Variants in FBXO41 observed in about 807,000 individuals in gnomAD.
FBXO41 encodes the protein F-box protein 41.
FBXO41 carries 33 observed loss-of-function variants against 81.6 expected under a neutral mutation model. That is an observed-to-expected ratio of 0.40 (90% CI 0.31 to 0.54). FBXO41 has a LOEUF of 0.54. Ranked by LOEUF, FBXO41 falls within the 20% of genes least tolerant of loss-of-function variation. FBXO41 has a pLI of 0.39. For synonymous variants in FBXO41, 576 were observed against 552.7 expected, an observed-to-expected ratio of 1.04 and a Z score of -0.59; for missense variants, 1,107 against 1,236.0, an observed-to-expected ratio of 0.90 and a Z score of 1.56.
chr2:73,280,047 CT>C (rs1234981971), intron 1 of FBXO41, among the ~76,000 whole-genome samples: 3 of 152,064 alleles, frequency 2.0e-5, no homozygotes, highest in African/African-American at 7.3e-5. Flanking sequence ...TTCAAACATT[CT>C]TTCTCATGGC....
Position 73,269,360 on chromosome 2 carries a change from C to G in FBXO41, c.271G>C (p.Gly91Arg). ...GACGGCCCGGCCGCCTGCTCCTTGC[C>G]CTGGAAGGAAGTGCTCTCGAAGACC... Reference protein sequence around the residue: ...REVFESTSFQGKEQAAGPSPA... With the variant: ...REVFESTSFQRKEQAAGPSPA... Residue 91 changes from glycine (G) to arginine (R), a missense_variant, in exon 2 of 13, where the codon GGC becomes CGC. This residue lies in a region of FBXO41 where 771 missense variants were observed against 789.2 expected (regional missense o/e 0.98). Transcript: ENST00000520530. This position sits in a 1 kb window ranked among gnomAD's most constrained non-coding sequence, Gnocchi z 7.0. 2.0e-6 allele frequency: 3 copies of G among 1,510,976 alleles called. No homozygotes were observed. The highest frequency in any genetic ancestry group is 1.2e-5 in the South Asian group (1 of 81,552). 93.6% of individuals were successfully genotyped at this position (1,510,976 alleles called of 1,614,324 possible).
At chr2:73,265,854 A>AGGGTGGGCTGCATG (rs1688246186) in intron 4 of FBXO41, 39 bp downstream of exon 4, 2 of 1,553,206 alleles carry the variant, frequency 1.3e-6, no homozygotes, top group African/African-American at 1.4e-5. Context: ...TTCCAGGGTG[A>AGGGTGGGCTGCATG]GGGTGGGCTG....
At chr2:73,261,208 T>G (rs1428024592) in intron 9 of FBXO41, among the ~76,000 whole-genome samples, 1 of 151,992 alleles carries the variant, frequency 6.6e-6, no homozygotes, top group Non-Finnish European at 1.5e-5. Context: ...AGGCATGCAC[T>G]ACCATGCCCG....
chr2:73,269,112 A>C lies in FBXO41; in HGVS notation c.519T>G (p.Pro173=), dbSNP rs1241457588. The stretch of plus-strand genomic sequence containing the variant: ...CGGGGCAAGGGCCGGGGCCGGGGCC[A>C]GGCGGCGGCGTCGAGCACGCCGAGG... The part of the protein sequence containing the change: ...VASSACSTPP[P]GPGPGPCPGP... Residue 173 remains proline (P), a synonymous_variant, in exon 2 of 13, where the codon CCT becomes CCG. Coordinates refer to ENST00000520530, the MANE Select transcript of FBXO41 (RefSeq NM_001371389.2). This position sits in a 1 kb window ranked among gnomAD's most constrained non-coding sequence, Gnocchi z 7.0. The C allele has an allele frequency of 1.3e-6, 2 of 1,509,072 alleles. No individual in the cohort carries two copies. The highest frequency in any genetic ancestry group is 1.8e-6 in the Non-Finnish European group (2 of 1,136,722). 93.5% of individuals were successfully genotyped at this position (1,509,072 alleles called of 1,614,324 possible).
At chr2:73,278,003 T>C (rs1688744642) in intron 1 of FBXO41, among the ~76,000 whole-genome samples, 2 of 152,228 alleles carry the variant, frequency 1.3e-5, no homozygotes, top group Non-Finnish European at 2.9e-5. Flanking sequence ...ATCACAGTAT[T>C]TCTATCTTCT....
chr2:73,267,809 A>C (rs1181787518), intron 2 of FBXO41, among the ~76,000 whole-genome samples: 1 of 152,226 alleles, frequency 6.6e-6, no homozygotes, highest in African/African-American at 2.4e-5. Flanking sequence ...CACTCAACAC[A>C]AAGTCTATTT....
chr2:73,264,329 G>T lies in FBXO41; in HGVS notation c.1755C>A (p.His585Gln). ...GCAGCACCCTTGTCCAGACTGCGGG[G>T]TGGCGGGCCACGAAGCGCCAGTCCC... ...VCRDWRFVAR[H>Q]PAVWTRVLLE... Residue 585 changes from histidine to glutamine, a missense_variant, in exon 6 of 13, where the codon CAC (histidine) becomes CAA (glutamine). Transcript: ENST00000520530. The T allele has an allele frequency of 6.2e-7, 1 of 1,613,650 alleles. No individual in the cohort carries two copies. Among genetic ancestry groups the T allele is most frequent in the Non-Finnish European group, 8.5e-7 (1 of 1,179,884 alleles).
intron 9 of FBXO41, among the ~76,000 whole-genome samples, chr2:73,262,292 G>A (rs1354679505): frequency 2.6e-5 from 4 of 152,172 alleles, no homozygotes; most frequent in Non-Finnish European, 5.9e-5. Context: ...GCAACATGCA[G>A]TGGGGATTGA....
rs1687960741 is a variant in FBXO41, at chr2:73,260,326, C to A, written c.2449+63G>T. 1.3e-6 allele frequency: 2 copies of A among 1,555,564 alleles called. No homozygotes were observed. Among genetic ancestry groups the A allele is most frequent in the Admixed American group, 1.8e-5 (1 of 54,236 alleles). ...TCTGCCCCAGTGATAGTTAGGATAC[C>A]TGCTGACAGGGCCCCGTGGCAGGTG... On this transcript the variant is annotated intron_variant, in intron 11 of 12. Coordinates refer to ENST00000520530, the MANE Select transcript of FBXO41 (RefSeq NM_001371389.2). This position sits in a 1 kb window ranked among gnomAD's most constrained non-coding sequence, Gnocchi z 5.0.
chr2:73,265,764 G>C lies in FBXO41; in HGVS notation c.1206-124C>G, dbSNP rs1574382496. 2.1e-6 allele frequency: 3 copies of C among 1,427,250 alleles called. No individual in the cohort carries two copies. The East Asian group carries it at 7.6e-5, about 36-fold the overall frequency. 88.4% of individuals were successfully genotyped at this position (1,427,250 alleles called of 1,614,324 possible). On this transcript the variant is annotated intron_variant, in intron 4 of 12. Coordinates refer to ENST00000520530, the MANE Select transcript of FBXO41 (RefSeq NM_001371389.2). The stretch of plus-strand genomic sequence containing the variant: ...CCTGCTTTCCAAAAGCCCCCTCTGG[G>C]TGTGGAAAGGCAGACATACGTGACC...
At chr2:73,283,624 G>A (rs1574395713) in intron 1 of FBXO41, among the ~76,000 whole-genome samples, 1 of 152,226 alleles carries the variant, frequency 6.6e-6, no homozygotes, top group Non-Finnish European at 1.5e-5. Flanking sequence ...CACATTCAGA[G>A]ACACTGTGAG....
At chr2:73,273,883 T>C (rs1218088022) in intron 1 of FBXO41, among the ~76,000 whole-genome samples, 1 of 152,222 alleles carries the variant, frequency 6.6e-6, no homozygotes, top group Non-Finnish European at 1.5e-5. Context: ...CCTCACCTAC[T>C]ACCCAGCACC....
intron 1 of FBXO41, among the ~76,000 whole-genome samples, chr2:73,270,192 C>T (rs1027969787): frequency 6.6e-6 from 1 of 152,026 alleles, no homozygotes; most frequent in Non-Finnish European, 1.5e-5. Context: ...CTGTAGAATT[C>T]CAGAGAGATG....
In FBXO41 at chr2:73,259,400, C is replaced by G; in HGVS notation, c.2450-104G>C. 1.0e-6 allele frequency: 1 copy of G among 975,692 alleles called. No homozygotes were observed. Among genetic ancestry groups the G allele is most frequent in the Non-Finnish European group, 1.6e-6 (1 of 628,158 alleles). The allele number at this position is 975,692 out of a possible 1,614,324, so 60.4% of individuals were successfully genotyped here. On this transcript the variant is annotated intron_variant, in intron 11 of 12. Coordinates refer to ENST00000520530, the MANE Select transcript of FBXO41 (RefSeq NM_001371389.2). This position sits in a 1 kb window ranked among gnomAD's most constrained non-coding sequence, Gnocchi z 4.2. ...AATCAGACAATCAGGTGCCAGCTAC[C>G]GGGAACACGACAGAGGAGAGCAGAC...
chr2:73,266,641 G>T lies in FBXO41; in HGVS notation c.947C>A (p.Ala316Glu), dbSNP rs369432452. ...CCGCAGCTTGGCGCTGGCCTCCCGCGCCGCCGTCTCCTTCAGGAACTGGTC... is the reference window on the plus strand; with the variant it reads ...CCGCAGCTTGGCGCTGGCCTCCCGCTCCGCCGTCTCCTTCAGGAACTGGTC... ...QIDQFLKETA[A>E]REASAKLRLQ... The change falls in exon 3 of 13, where the codon GCG (alanine) becomes GAG (glutamate). Residue 316 changes from alanine (A) to glutamate (E), a missense_variant. Physicochemically the swap from Ala to Glu is moderately radical, Grantham distance 107. Coordinates refer to ENST00000520530, the MANE Select transcript of FBXO41 (RefSeq NM_001371389.2). This position sits in a 1 kb window ranked among gnomAD's most constrained non-coding sequence, Gnocchi z 5.3. 1.2e-6 allele frequency: 2 copies of T among 1,604,474 alleles called. No homozygotes were observed. Among genetic ancestry groups the T allele is most frequent in the Non-Finnish European group, 1.7e-6 (2 of 1,176,016 alleles).
At chr2:73,265,774 G>A in intron 4 of FBXO41, 119 bp downstream of exon 4, 2 of 1,429,892 alleles carry the variant, frequency 1.4e-6, no homozygotes, top group Non-Finnish European at 1.9e-6. Flanking sequence ...GTGTGGAAAG[G>A]CAGACATACG....
At chr2:73,262,803 T>A (rs1310503950) in intron 9 of FBXO41, among the ~76,000 whole-genome samples, 3 of 152,196 alleles carry the variant, frequency 2.0e-5, no homozygotes, top group Non-Finnish European at 4.4e-5. Context: ...TGGAGTGCAA[T>A]GGCACGATCT....
chr2:73,263,770 G>T lies in FBXO41; in HGVS notation c.1983C>A (p.Ile661=), dbSNP rs768201623. The T allele has an allele frequency of 4.1e-5, 66 of 1,614,044 alleles. No individual in the cohort carries two copies. Among genetic ancestry groups the T allele is most frequent in the Middle Eastern group, 1.6e-4 (1 of 6,062 alleles). ...LLKAAGGNLL[I]LRISHCPNIL... ...TGTTTGGACAGTGGGAGATGCGCAG[G>T]ATCAGCAGGTTCCCCCCAGCTGCCT... is the stretch of plus-strand genomic sequence containing the variant. The change falls in exon 8 of 13, where the codon ATC becomes ATA. Residue 661 remains isoleucine (I), a synonymous_variant. Coordinates refer to ENST00000520530, the MANE Select transcript of FBXO41 (RefSeq NM_001371389.2).
rs943975512 is a variant in FBXO41, at chr2:73,254,800, G to A, written c.*4182C>T. The A allele has an allele frequency of 2.6e-5, 4 of 152,678 alleles. No homozygotes were observed. Among genetic ancestry groups the A allele is most frequent in the Non-Finnish European group, 4.4e-5 (3 of 68,058 alleles). The allele number at this position is 152,678 out of a possible 1,614,324, so 9.5% of individuals were successfully genotyped here. ...GTACATTCAGCAAAGGGCATCTTAC[G>A]GGTGACATGGAGCAAAGTGCTGGGA... On this transcript the variant is annotated 3_prime_UTR_variant, in exon 13 of 13. Coordinates refer to ENST00000520530, the MANE Select transcript of FBXO41 (RefSeq NM_001371389.2).
Sources: gnomAD v4.1 joint callset for allele counts (sites outside exome capture counted in the v4.1 genomes callset) on GRCh38, gnomAD v4.1.1 for gene constraint, gnomAD v4.1.1 regional missense constraint, Gnocchi (gnomAD v3.1) non-coding constraint, MANE v1.5 for transcripts, NCBI Gene and HGNC (gene_info 2026-07-23, HGNC 2026-07-21) for gene names.